The following DTWD2 variants were observed in gnomAD, a reference collection of about 807,000 sequenced individuals.
The protein encoded by DTWD2 is tRNA-uridine aminocarboxypropyltransferase 2.
A neutral mutation model predicts 31.8 loss-of-function variants in DTWD2; 39 were observed. The observed-to-expected ratio is 1.22, with a 90% confidence interval of 0.95 to 1.60. The LOEUF is 1.60. Ranked by LOEUF, DTWD2 falls within the 40% of genes most tolerant of loss-of-function variation. The pLI, the probability that DTWD2 is intolerant of heterozygous loss-of-function variation, is 0.00. For synonymous variants in DTWD2, 180 were observed against 142.8 expected, an observed-to-expected ratio of 1.26 and a Z score of -1.86; for missense variants, 515 against 381.5, an observed-to-expected ratio of 1.35 and a Z score of -2.92.
chr5:118,846,379 G>A (rs1249844040), intron 5 of DTWD2, among the ~76,000 whole-genome samples: 1 of 152,028 alleles, frequency 6.6e-6, no homozygotes, highest in Non-Finnish European at 1.5e-5. Flanking sequence ...TTATATTTAG[G>A]ATTGCAGTAA....
At chr5:118,929,518 C>G (rs989132113) in intron 3 of DTWD2, among the ~76,000 whole-genome samples, 2 of 145,876 alleles carry the variant, frequency 1.4e-5, no homozygotes, top group African/African-American at 5.1e-5. Flanking sequence ...CAAATTTGTT[C>G]TGACCACGAG....
At chr5:118,870,890 C>A (rs1752486831) in intron 4 of DTWD2, among the ~76,000 whole-genome samples, 1 of 150,798 alleles carries the variant, frequency 6.6e-6, no homozygotes, top group African/African-American at 2.4e-5. Flanking sequence ...TCCTCTCAAC[C>A]CCTACTGCTG....
At chr5:118,977,049 A>G (rs1755179382) in intron 1 of DTWD2, among the ~76,000 whole-genome samples, 2 of 152,238 alleles carry the variant, frequency 1.3e-5, no homozygotes, top group South Asian at 4.1e-4. Context: ...AAATCAATAA[A>G]TGTAATCCAT....
intron 1 of DTWD2, among the ~76,000 whole-genome samples, chr5:118,964,639 G>A (rs1210206095): frequency 2.6e-5 from 4 of 152,214 alleles, no homozygotes; most frequent in South Asian, 2.1e-4. Flanking sequence ...ACGGGGTTTC[G>A]CTGTGTTGGC....
At chr5:118,871,338 G>A (rs1458933154) in intron 4 of DTWD2, among the ~76,000 whole-genome samples, 2 of 152,048 alleles carry the variant, frequency 1.3e-5, no homozygotes, top group African/African-American at 2.4e-5. Flanking sequence ...CTCCTCCCAC[G>A]AATCACAAAT....
chr5:118,965,019 C>T (rs1352196823), intron 1 of DTWD2, among the ~76,000 whole-genome samples: 5 of 151,294 alleles, frequency 3.3e-5, no homozygotes, highest in Non-Finnish European at 5.9e-5. Flanking sequence ...GGCCGCCCAT[C>T]GTCTGAGATG....
Position 118,871,288 on chromosome 5 carries a change from T to A in DTWD2, c.598-23070A>T, listed in dbSNP as rs117218361. 1.1e-4 allele frequency among the ~76,000 whole-genome samples: 16 copies of A among 152,200 alleles called. No homozygotes were observed. The East Asian group carries it at 2.9e-3, about 28-fold the overall frequency. On this transcript the variant is annotated intron_variant, in intron 4 of 5. Transcript: ENST00000510708. ...AACCCCTCAAAGTCATCCACGAGAG[T>A]TGGAATCAACTTCTTCCAAACTCCT...
At chr5:118,888,054 C>T (rs763255684) in intron 4 of DTWD2, among the ~76,000 whole-genome samples, 1 of 110,436 alleles carries the variant, frequency 9.1e-6, no homozygotes, top group African/African-American at 3.7e-5. Flanking sequence ...TTAGCTATGA[C>T]ACACTTTCAT....
intron 1 of DTWD2, among the ~76,000 whole-genome samples, chr5:118,970,503 C>A (rs773202317): frequency 5.9e-5 from 9 of 152,084 alleles, no homozygotes; most frequent in African/African-American, 1.7e-4. Flanking sequence ...AAGGACCGAA[C>A]CTACAACTGA....
In DTWD2 at chr5:118,973,358, T is replaced by C. The variant is rs574110119; in HGVS notation, c.218+14936A>G. On this transcript the variant is annotated intron_variant, in intron 1 of 5. Coordinates refer to ENST00000510708, the MANE Select transcript of DTWD2 (RefSeq NM_173666.4). ...CAGTTTCTTCATAGCGTCGATGGTC[T>C]TCACAATTTGGTATGTTTTTGCAGT... Among the ~76,000 whole-genome samples the C allele has an allele frequency of 2.5e-4, 38 of 152,320 alleles. No individual in the cohort carries two copies. The East Asian group carries it at 6.6e-3, about 26-fold the overall frequency.
chr5:118,871,680 G>A (rs911671165), intron 4 of DTWD2, among the ~76,000 whole-genome samples: 3 of 152,168 alleles, frequency 2.0e-5, no homozygotes, highest in Non-Finnish European at 2.9e-5. Context: ...GTAAACAGAT[G>A]AGCCATCATC....
intron 3 of DTWD2, among the ~76,000 whole-genome samples, chr5:118,938,963 A>G (rs1478952590): frequency 6.6e-6 from 1 of 151,982 alleles, no homozygotes. Context: ...TGAAATTCAG[A>G]TAATGCTATC....
Position 118,840,439 on chromosome 5 carries a change from AC to A in DTWD2, c.*477del, listed in dbSNP as rs1751683818. On this transcript the variant is annotated 3_prime_UTR_variant, in exon 6 of 6. Transcript: ENST00000510708. ...TTTCCTTATTCCTTTATACTATTTT[AC>A]AAAATAATAAATTACTTGATTATCA... 6.6e-6 allele frequency: 1 copy of A among 152,262 alleles called. No homozygotes were observed. The highest frequency in any genetic ancestry group is 2.4e-5 in the African/African-American group (1 of 41,468). The allele number at this position is 152,262 out of a possible 1,614,324, so 9.4% of individuals were successfully genotyped here. A position where few individuals can be genotyped will look rare whatever the true frequency, so the allele number is the denominator to read the frequency against.
At chr5:118,960,624 A>G (rs1754683942) in intron 1 of DTWD2, among the ~76,000 whole-genome samples, 1 of 152,206 alleles carries the variant, frequency 6.6e-6, no homozygotes, top group Non-Finnish European at 1.5e-5. Context: ...AGACCCATGC[A>G]CATGTATGTT....
At chr5:118,897,793 A>G (rs1296975843) in intron 4 of DTWD2, among the ~76,000 whole-genome samples, 2 of 152,242 alleles carry the variant, frequency 1.3e-5, no homozygotes, top group African/African-American at 4.8e-5. Flanking sequence ...TGTAAAACAA[A>G]TGTACTATGT....
chr5:118,871,252 C>A (rs1374020626), intron 4 of DTWD2, among the ~76,000 whole-genome samples: 2 of 152,202 alleles, frequency 1.3e-5, no homozygotes, highest in African/African-American at 4.8e-5. Context: ...AACTTCCTCA[C>A]TGAAGTCTTG....
chr5:118,861,568 A>G (rs1306375029), intron 4 of DTWD2, among the ~76,000 whole-genome samples: 1 of 150,472 alleles, frequency 6.6e-6, no homozygotes, highest in East Asian at 1.9e-4. Context: ...GGTTTTAACG[A>G]AACTGATTTT....
Position 118,953,549 on chromosome 5 carries a change from G to T in DTWD2, c.219-8900C>A, listed in dbSNP as rs536976073. On this transcript the variant is annotated intron_variant, in intron 1 of 5. Coordinates refer to ENST00000510708, the MANE Select transcript of DTWD2 (RefSeq NM_173666.4). ...ATGTGATTTAAATGACAACTGACTGGTAGATTGCATATGGACTAGAGACCT... is the reference window on the plus strand; with the variant it reads ...ATGTGATTTAAATGACAACTGACTGTTAGATTGCATATGGACTAGAGACCT... Among the ~76,000 whole-genome samples, 4 of 152,258 alleles carry T rather than the reference G, an allele frequency of 2.6e-5. No homozygotes were observed. In the South Asian group the frequency reaches 6.2e-4, roughly 24 times the overall value.
chr5:118,868,771 C>A (rs1317871266), intron 4 of DTWD2, among the ~76,000 whole-genome samples: 1 of 145,830 alleles, frequency 6.9e-6, no homozygotes, highest in African/African-American at 2.6e-5. Context: ...CCTGGGAAGT[C>A]GAGGCTGCAG....
Sources: gnomAD v4.1 joint callset for allele counts (sites outside exome capture counted in the v4.1 genomes callset) on GRCh38, gnomAD v4.1.1 for gene constraint, MANE v1.5 for transcripts, NCBI Gene and HGNC (gene_info 2026-07-23, HGNC 2026-07-21) for gene names.